Variants in LIN7B observed in about 807,000 individuals in gnomAD.
The protein encoded by LIN7B is protein lin-7 homolog B.
Under a neutral mutation model 27.9 loss-of-function variants are expected in LIN7B, and 16 were observed. The ratio of observed to expected loss-of-function variants is 0.57; its 90% CI spans 0.39 to 0.87. LIN7B has a LOEUF of 0.87. Among genes scored for constraint, LIN7B ranks in the 40% least tolerant of loss-of-function variants. The pLI, the probability that LIN7B is intolerant of heterozygous loss-of-function variation, is 0.00. For synonymous variants in LIN7B, 147 were observed against 120.8 expected (o/e 1.22, Z -1.42); for missense variants, 291 against 288.5 (o/e 1.01, Z -0.06).
intron 4 of LIN7B, 58 bp from the exon 5 acceptor site, chr19:49,117,797 T>TG: frequency 1.3e-6 from 2 of 1,513,794 alleles, no homozygotes; most frequent in Non-Finnish European, 1.8e-6. Context: ...CATCTCCCAG[T>TG]GGGGGCTGGA....
At chr19:49,116,239 C>T (rs548899559) in intron 3 of LIN7B, 24 bp from the exon 4 acceptor site, 6 of 1,601,526 alleles carry the variant, frequency 3.7e-6, no homozygotes, top group South Asian at 1.1e-5. Context: ...GGGCCCTCAT[C>T]TTCAGTCGCT....
chr19:49,114,783 C>G, intron 1 of LIN7B, 66 bp from the exon 2 acceptor site: 1 of 992,024 alleles, frequency 1.0e-6, no homozygotes, highest in Non-Finnish European at 1.4e-6. Context: ...CCGCCGCTCT[C>G]CTTGCTTCTC....
At chr19:49,114,681 C>G (rs976284197) in intron 1 of LIN7B, 168 bp from the exon 2 acceptor site, 48 of 447,576 alleles carry the variant, frequency 1.1e-4, no homozygotes, top group Non-Finnish European at 1.1e-4. Context: ...CGCAGGGCCG[C>G]TGGTGGCAGT....
intron 1 of LIN7B, 32 bp downstream of exon 1, chr19:49,114,473 G>T (rs2040789969): frequency 1.7e-6 from 2 of 1,205,542 alleles, no homozygotes; most frequent in South Asian, 4.2e-5. Flanking sequence ...CTGCCCACCC[G>T]GGCCGCGGCC....
At chr19:49,118,198 C>T in intron 5 of LIN7B, 154 bp from the exon 6 acceptor site, 1 of 1,298,440 alleles carries the variant, frequency 7.7e-7, no homozygotes, top group Non-Finnish European at 1.1e-6. Context: ...CCTGGGGAGC[C>T]CTTAGCTTCC....
intron 5 of LIN7B, 81 bp downstream of exon 5, chr19:49,118,099 C>G: frequency 6.4e-7 from 1 of 1,568,014 alleles, no homozygotes; most frequent in Non-Finnish European, 8.7e-7. Context: ...CCAGTGCTTC[C>G]TGGATCTTCC....
Position 49,116,287 on chromosome 19 carries a change from A to G in LIN7B, c.253A>G (p.Ser85Gly). 1 of 1,613,832 alleles carries G rather than the reference A, an allele frequency of 6.2e-7. No individual in the cohort carries two copies. Among genetic ancestry groups the G allele is most frequent in the Admixed American group, 1.7e-5 (1 of 60,016 alleles). ...AKATVAAFTA[S>G]EGHAHPRVVE... is the part of the protein sequence containing the mutation. ...GGCCACAGTGGCTGCCTTCACAGCCAGCGAGGGCCACGCACATCCCAGGGT... is the reference window on the plus strand; with the variant it reads ...GGCCACAGTGGCTGCCTTCACAGCCGGCGAGGGCCACGCACATCCCAGGGT... The change falls in exon 4 of 6, where the codon AGC becomes GGC. Residue 85 changes from serine (S) to glycine (G), a missense_variant. Physicochemically the swap from Ser to Gly is moderately conservative, Grantham distance 56. Coordinates refer to ENST00000221459, the MANE Select transcript of LIN7B (RefSeq NM_022165.3).
At chr19:49,114,542 C>A (rs1261743787) in intron 1 of LIN7B, 101 bp downstream of exon 1, 2 of 953,512 alleles carry the variant, frequency 2.1e-6, no homozygotes, top group African/African-American at 1.7e-5. Context: ...GGTGGGCCAG[C>A]GGACCCGGAG....
chr19:49,118,028 T>A lies in LIN7B; in HGVS notation c.602+10T>A. The stretch of plus-strand genomic sequence containing the variant: ...AGCATCAGAGCTACTCGTGAGCCCC[T>A]GGGTCACCACACCCCTGGGGCCTCC... On this transcript the variant is annotated intron_variant, in intron 5 of 5. Coordinates refer to ENST00000221459, the MANE Select transcript of LIN7B (RefSeq NM_022165.3). The A allele has an allele frequency of 6.2e-7, 1 of 1,613,672 alleles. No individual in the cohort carries two copies. The highest frequency in any genetic ancestry group is 8.5e-7 in the Non-Finnish European group (1 of 1,179,862).
rs137945198 is a variant in LIN7B at position 49,117,936 on chromosome 19, A to G, written c.520A>G (p.Thr174Ala). Residue 174 changes from threonine (T) to alanine (A), a missense_variant, in exon 5 of 6, where the codon ACA becomes GCA. Physicochemically the swap from Thr to Ala is moderately conservative, Grantham distance 58 (BLOSUM62 0). Coordinates refer to ENST00000221459, the MANE Select transcript of LIN7B (RefSeq NM_022165.3). ...QGSVKLVVRY[T>A]PRVLEEMEAR... ...CTCGGTGAAGCTGGTTGTCCGTTAC[A>G]CACCGCGAGTGCTGGAGGAGATGGA... 20 of 1,614,078 alleles carry G rather than the reference A, an allele frequency of 1.2e-5. No individual in the cohort carries two copies. In the African/African-American group the frequency reaches 1.7e-4, roughly 14 times the overall value.
intron 4 of LIN7B, 117 bp downstream of exon 4, chr19:49,116,589 T>C (rs2040830025): frequency 1.0e-6 from 1 of 956,344 alleles, no homozygotes; most frequent in Non-Finnish European, 1.6e-6. Context: ...AGCCCTGTGC[T>C]GGGCAATGTT....
intron 1 of LIN7B, 26 bp downstream of exon 1, chr19:49,114,467 C>T: frequency 8.3e-7 from 1 of 1,206,862 alleles, no homozygotes; most frequent in Non-Finnish European, 1.0e-6. Context: ...GGGGCCCTGC[C>T]CACCCGGGCC....
chr19:49,115,385 C>G (rs1568427660), intron 3 of LIN7B, 54 bp downstream of exon 3: 1 of 1,424,848 alleles, frequency 7.0e-7, no homozygotes, highest in Non-Finnish European at 9.6e-7. Context: ...TAGTCGAACT[C>G]AATATCTCCT....
Position 49,118,017 on chromosome 19 carries a change from T to G in LIN7B, c.601T>G (p.Ser201Ala). The G allele has an allele frequency of 6.2e-7, 1 of 1,613,884 alleles. No individual in the cohort carries two copies. The change falls in exon 5 of 6, where the codon TCG becomes GCG. Residue 201 changes from serine (S) to alanine (A), a missense_variant and splice_region_variant. By Grantham distance (99) the Ser-to-Ala change is moderately conservative. Coordinates refer to ENST00000221459, the MANE Select transcript of LIN7B (RefSeq NM_022165.3). ...ARRRQQHQSY[S>A]SLESRG is the part of the protein sequence containing the mutation. Reference sequence around the variant, plus strand: ...CCGGCGCCAACAGCATCAGAGCTACTCGTGAGCCCCTGGGTCACCACACCC... The same window carrying G: ...CCGGCGCCAACAGCATCAGAGCTACGCGTGAGCCCCTGGGTCACCACACCC...
chr19:49,115,385 C>A, intron 3 of LIN7B, 54 bp downstream of exon 3: 1 of 1,424,846 alleles, frequency 7.0e-7, no homozygotes, highest in Non-Finnish European at 9.6e-7. Flanking sequence ...TAGTCGAACT[C>A]AATATCTCCT....
At chr19:49,116,179 G>A (rs1490053442) in intron 3 of LIN7B, 84 bp from the exon 4 acceptor site, 17 of 1,184,486 alleles carry the variant, frequency 1.4e-5, no homozygotes, top group South Asian at 2.8e-5. Context: ...AGGCTAAATC[G>A]CTGTCCTCGG....
rs1338130133 is a variant in LIN7B, at chr19:49,118,417, T to C, written c.*44T>C. 1 of 1,607,118 alleles carries C rather than the reference T, an allele frequency of 6.2e-7. No individual in the cohort carries two copies. Among genetic ancestry groups the C allele is most frequent in the Admixed American group, 1.7e-5 (1 of 59,992 alleles). ...TCACGTGCACTCTCTTCCTGTACAG[T>C]ATTTATTGTTCCTGGCACTTTATTT... On this transcript the variant is annotated 3_prime_UTR_variant, in exon 6 of 6. Coordinates refer to ENST00000221459, the MANE Select transcript of LIN7B (RefSeq NM_022165.3).
In LIN7B at chr19:49,115,277, T is replaced by C; in HGVS notation, c.174T>C (p.Tyr58=). 6.4e-7 allele frequency: 1 copy of C among 1,561,294 alleles called. No homozygotes were observed. The highest frequency in any genetic ancestry group is 1.7e-4 in the Middle Eastern group (1 of 5,980). ...SAIREVYEQL[Y]DTLDITGSAE... Reference sequence around the variant, plus strand: ...TCACCCAGGTGTATGAGCAGCTTTATGACACGCTGGACATCACCGGCAGCG... The same window carrying C: ...TCACCCAGGTGTATGAGCAGCTTTACGACACGCTGGACATCACCGGCAGCG... Residue 58 remains tyrosine (Y), a synonymous_variant, in exon 3 of 6, where the codon TAT becomes TAC. Transcript: ENST00000221459.
At chr19:49,117,682 G>A (rs896176081) in intron 4 of LIN7B, among the ~76,000 whole-genome samples, 173 bp from the exon 5 acceptor site, 2 of 152,198 alleles carry the variant, frequency 1.3e-5, no homozygotes, top group African/African-American at 4.8e-5. Flanking sequence ...GGAATCCTGG[G>A]AGGTTTTGGA....
Sources: gnomAD v4.1 joint callset for allele counts (sites outside exome capture counted in the v4.1 genomes callset) on GRCh38, gnomAD v4.1.1 for gene constraint, MANE v1.5 for transcripts, NCBI Gene and HGNC (gene_info 2026-07-23, HGNC 2026-07-21) for gene names.